Variants in CFAP299 observed in about 807,000 individuals in gnomAD.
CFAP299 encodes the protein cilia and flagella associated protein 299.
Under a neutral mutation model 27.0 loss-of-function variants are expected in CFAP299, and 21 were observed. That is an observed-to-expected ratio of 0.78 (90% CI 0.55 to 1.12). CFAP299 has a LOEUF of 1.12. Ranked by LOEUF, CFAP299 falls within the 50% of genes most tolerant of loss-of-function variation. CFAP299 has a pLI of 0.00. For missense variants in CFAP299, 310 were observed against 276.6 expected, an observed-to-expected ratio of 1.12 and a Z score of -0.86; for synonymous variants, 104 against 98.1, an observed-to-expected ratio of 1.06 and a Z score of -0.36.
chr4:80,902,584 TATAC>T (rs1734977583), intron 4 of CFAP299, among the ~76,000 whole-genome samples: 1 of 47,164 alleles, frequency 2.1e-5, no homozygotes, highest in East Asian at 7.3e-4. Context: ...ATATGTAATA[TATAC>T]ACACACACAC....
intron 2 of CFAP299, among the ~76,000 whole-genome samples, chr4:80,389,791 G>A (rs1725225831): frequency 6.6e-6 from 1 of 152,072 alleles, no homozygotes; most frequent in Non-Finnish European, 1.5e-5. Flanking sequence ...CCTTATATAA[G>A]CATTTACTAT....
chr4:80,635,746 T>G (rs1307941707), intron 3 of CFAP299, among the ~76,000 whole-genome samples: 2 of 152,184 alleles, frequency 1.3e-5, no homozygotes, highest in Non-Finnish European at 2.9e-5. Flanking sequence ...CACCAGGAAT[T>G]TGGTAGAAAG....
At chr4:80,504,514 T>G (rs2110155518) in intron 2 of CFAP299, among the ~76,000 whole-genome samples, 1 of 130,546 alleles carries the variant, frequency 7.7e-6, no homozygotes, top group Non-Finnish European at 1.6e-5. Context: ...TATTTTCCTT[T>G]GAAAGAATGC....
chr4:80,477,110 G>A (rs1339146385), intron 2 of CFAP299, among the ~76,000 whole-genome samples: 2 of 151,892 alleles, frequency 1.3e-5, no homozygotes, highest in East Asian at 1.9e-4. Context: ...GTTAGAGTGT[G>A]GAGGTGCAAT....
intron 3 of CFAP299, among the ~76,000 whole-genome samples, chr4:80,750,314 CT>C (rs1724860704): frequency 6.6e-6 from 1 of 152,052 alleles, no homozygotes; most frequent in East Asian, 1.9e-4. Flanking sequence ...GAAACTTCTA[CT>C]TTTAATATTT....
chr4:80,852,820 A>G (rs1269315627), intron 3 of CFAP299, among the ~76,000 whole-genome samples: 1 of 152,148 alleles, frequency 6.6e-6, no homozygotes, highest in African/African-American at 2.4e-5. Context: ...CATGAAACCC[A>G]ACTAGTTATT....
At chr4:80,848,480 T>C (rs1242630570) in intron 3 of CFAP299, among the ~76,000 whole-genome samples, 1 of 152,146 alleles carries the variant, frequency 6.6e-6, no homozygotes, top group African/African-American at 2.4e-5. Flanking sequence ...TGGTAAGTAT[T>C]TGTGTATCTA....
At chr4:80,866,059 T>TTATATATATATATATA (rs70956073) in intron 3 of CFAP299, among the ~76,000 whole-genome samples, 1,231 of 58,132 alleles carry the variant, frequency 0.021, 185 homozygotes, top group Non-Finnish European at 0.037. Flanking sequence ...ACTTAAAGTA[T>TTATATATATATATATA]TATATATATA....
chr4:80,519,198 ATG>A (rs200784820), intron 2 of CFAP299, among the ~76,000 whole-genome samples: 11,512 of 145,220 alleles, frequency 0.079, 628 homozygotes, highest in East Asian at 0.26. Flanking sequence ...GTGTGTGTGT[ATG>A]TGTGTGTGTG....
chr4:80,802,381 A>G (rs1435255717), intron 3 of CFAP299, among the ~76,000 whole-genome samples: 1 of 151,978 alleles, frequency 6.6e-6, no homozygotes, highest in Non-Finnish European at 1.5e-5. Context: ...TTTTCACTTC[A>G]TATTCTCATT....
At chr4:80,612,302 A>G (rs1260778296) in intron 3 of CFAP299, among the ~76,000 whole-genome samples, 1 of 152,124 alleles carries the variant, frequency 6.6e-6, no homozygotes, top group Admixed American at 6.6e-5. Flanking sequence ...AAACTCAGTG[A>G]GAGGGATAGA....
At chr4:80,936,988 T>C in intron 4 of CFAP299, among the ~76,000 whole-genome samples, 1 of 152,072 alleles carries the variant, frequency 6.6e-6, no homozygotes, top group Non-Finnish European at 1.5e-5. Context: ...GTTCTTCAAA[T>C]CCTCTGTATT....
chr4:80,351,450 A>G (rs1723011308), intron 1 of CFAP299, among the ~76,000 whole-genome samples: 1 of 152,162 alleles, frequency 6.6e-6, no homozygotes, highest in Admixed American at 6.5e-5. Context: ...CTTGTAAATC[A>G]CAGAGTACCT....
chr4:80,411,653 T>A (rs1726727939), intron 2 of CFAP299, among the ~76,000 whole-genome samples: 1 of 152,064 alleles, frequency 6.6e-6, no homozygotes, highest in South Asian at 2.1e-4. Context: ...TGTGAATTCT[T>A]TCACCATTTT....
chr4:80,555,963 G>T (rs1049918199), intron 2 of CFAP299, among the ~76,000 whole-genome samples: 4 of 151,972 alleles, frequency 2.6e-5, no homozygotes, highest in South Asian at 2.1e-4. Flanking sequence ...TGTACTTAAA[G>T]TATATTTCAA....
At chr4:80,796,430 G>T (rs997300198) in intron 3 of CFAP299, among the ~76,000 whole-genome samples, 2 of 152,208 alleles carry the variant, frequency 1.3e-5, no homozygotes, top group African/African-American at 4.8e-5. Context: ...TCTTGCAGAA[G>T]TGAAAAGTGA....
intron 4 of CFAP299, among the ~76,000 whole-genome samples, chr4:80,875,041 C>T (rs923286520): frequency 9.2e-5 from 14 of 151,848 alleles, no homozygotes; most frequent in Non-Finnish European, 1.6e-4. Flanking sequence ...GTTTTTAATG[C>T]GACTACTAGA....
chr4:80,471,529 A>T (rs1250042397), intron 2 of CFAP299, among the ~76,000 whole-genome samples: 1 of 137,458 alleles, frequency 7.3e-6, no homozygotes, highest in Non-Finnish European at 1.5e-5. Context: ...AGGTGGTAAT[A>T]ACTTCAGACT....
chr4:80,905,611 T>C (rs1376629734), intron 4 of CFAP299, among the ~76,000 whole-genome samples: 1 of 152,152 alleles, frequency 6.6e-6, no homozygotes, highest in East Asian at 1.9e-4. Flanking sequence ...TTTAATTGAC[T>C]CACAGTTCCA....
Sources: allele counts gnomAD v4.1 joint callset (sites outside exome capture counted in the v4.1 genomes callset), GRCh38; gene constraint gnomAD v4.1.1; transcripts MANE v1.5; gene names NCBI Gene and HGNC (gene_info 2026-07-23, HGNC 2026-07-21).